The following TMPRSS5 variants were observed in gnomAD, a reference collection of about 807,000 sequenced individuals.
The protein encoded by TMPRSS5 is transmembrane protease serine 5.
TMPRSS5 carries 45 observed loss-of-function variants against 59.7 expected under a neutral mutation model. The ratio of observed to expected loss-of-function variants is 0.75; its 90% confidence interval spans 0.59 to 0.97. The LOEUF is 0.97. Among genes scored for constraint, TMPRSS5 ranks in the 50% least tolerant of loss-of-function variants. The pLI, the probability that TMPRSS5 is intolerant of heterozygous loss-of-function variation, is 0.00. For missense variants in TMPRSS5, 585 were observed against 596.7 expected, an observed-to-expected ratio of 0.98 and a Z score of 0.20; for synonymous variants, 225 against 232.0, an observed-to-expected ratio of 0.97 and a Z score of 0.27.
chr11:113,689,056 T>C (rs1952682932), intron 12 of TMPRSS5, among the ~76,000 whole-genome samples: 1 of 152,062 alleles, frequency 6.6e-6, no homozygotes, highest in African/African-American at 2.4e-5. Context: ...GTAACAGATA[T>C]ACACATAAAT....
At position 113,699,249 on chromosome 11, in the gene TMPRSS5, CTCTCTCTCTCT is replaced by C. The variant is rs1440932492; in HGVS notation, c.206-233_206-223del. Among the ~76,000 whole-genome samples the C allele has an allele frequency of 1.2e-3, 105 of 88,972 alleles. 1 individual carries two copies. The highest frequency in any genetic ancestry group is 1.8e-3 in the Non-Finnish European group (85 of 48,026). 58.4% of individuals were successfully genotyped at this position (88,972 alleles called of 152,430 possible). On this transcript the variant is annotated intron_variant, in intron 3 of 12. Coordinates refer to ENST00000299882, the MANE Select transcript of TMPRSS5 (RefSeq NM_030770.4). The stretch of plus-strand genomic sequence containing the variant: ...TCTCTCTCTCTCTCTCTCTCTCTCT[CTCTCTCTCTCT>C]CTCTCTCTCTCCCTCTCTCTCTCTC...
chr11:113,693,674 G>C (rs1952848590), intron 8 of TMPRSS5: 1 of 159,162 alleles, frequency 6.3e-6, no homozygotes, highest in Non-Finnish European at 1.4e-5. Flanking sequence ...TCTCTGCCCT[G>C]TCCGGCACCA....
At chr11:113,695,542 G>A (rs1952905998) in intron 6 of TMPRSS5, 99 bp from the exon 7 acceptor site, 5 of 1,228,784 alleles carry the variant, frequency 4.1e-6, no homozygotes, top group East Asian at 4.8e-5. Flanking sequence ...TGGGGGTGGT[G>A]GACAGTTCTT....
At chr11:113,696,826 C>A in intron 6 of TMPRSS5, 32 bp downstream of exon 6, 1 of 1,462,062 alleles carries the variant, frequency 6.8e-7, no homozygotes, top group Non-Finnish European at 9.4e-7. Flanking sequence ...AAGTAAGGGA[C>A]CCCACTCACC....
chr11:113,696,187 C>A (rs1337354095), intron 6 of TMPRSS5, among the ~76,000 whole-genome samples: 1 of 152,136 alleles, frequency 6.6e-6, no homozygotes. Flanking sequence ...ACAGGAGGGG[C>A]CTGAAGGAAC....
chr11:113,703,816 C>T (rs971285523), intron 1 of TMPRSS5, among the ~76,000 whole-genome samples: 3 of 152,126 alleles, frequency 2.0e-5, no homozygotes, highest in Non-Finnish European at 4.4e-5. Flanking sequence ...TGTTTGCTTC[C>T]CCTTCCACCA....
At position 113,697,294 on chromosome 11, in the gene TMPRSS5, A is replaced by C; in HGVS notation, c.453T>G (p.Leu151=). 6.2e-7 allele frequency: 1 copy of C among 1,611,340 alleles called. No individual in the cohort carries two copies. The part of the protein sequence containing the change: ...PALGLQICWS[L]GHLRLTHHKG... ...CTAACTCCTGTTACCTGAGATGCCC[A>C]AGGCTCCAGCAGATCTGCAGCCCCA... Residue 151 remains leucine, a synonymous_variant, in exon 5 of 13, where the codon CTT becomes CTG. Transcript: ENST00000299882.
intron 1 of TMPRSS5, among the ~76,000 whole-genome samples, chr11:113,705,867 A>C (rs143338122): frequency 5.4e-4 from 83 of 152,342 alleles, no homozygotes; most frequent in African/African-American, 1.9e-3. Flanking sequence ...GCTCCACCTC[A>C]AAATTCAACT....
At position 113,690,298 on chromosome 11, in the gene TMPRSS5, T is replaced by G. The variant is rs1312881160; in HGVS notation, c.1139A>C (p.Tyr380Ser). The G allele has an allele frequency of 6.3e-7, 1 of 1,590,538 alleles. No homozygotes were observed. Among genetic ancestry groups the G allele is most frequent in the Non-Finnish European group, 8.6e-7 (1 of 1,169,574 alleles). ...CATGCGGGGGGTGAGGGCTCCGCTG[T>G]ACACGCAAGAGCTGTTGCAGAGCTG... ...STQLCNSSCV[Y>S]SGALTPRMLC... The change falls in exon 11 of 13, where the codon TAC becomes TCC. Residue 380 changes from tyrosine to serine, a missense_variant. Tyr to Ser is a moderately radical substitution (Grantham distance 144). Coordinates refer to ENST00000299882, the MANE Select transcript of TMPRSS5 (RefSeq NM_030770.4).
rs1565251209 is a variant in TMPRSS5, at chr11:113,688,035, T to C, written c.*225A>G. 1 of 570,054 alleles carries C rather than the reference T, an allele frequency of 1.8e-6. No homozygotes were observed. Among genetic ancestry groups the C allele is most frequent in the Non-Finnish European group, 2.7e-6 (1 of 372,726 alleles). 35.3% of individuals were successfully genotyped at this position (570,054 alleles called of 1,614,324 possible). A position where few individuals can be genotyped will look rare whatever the true frequency, so the allele number is the denominator to read the frequency against. The stretch of plus-strand genomic sequence containing the variant: ...CCAAGTCCCAGCCTCTCTTCTGTCA[T>C]TGAGTCTCTAGTGAGAAAGAGGACT... On this transcript the variant is annotated 3_prime_UTR_variant, in exon 13 of 13. Coordinates refer to ENST00000299882, the MANE Select transcript of TMPRSS5 (RefSeq NM_030770.4).
At chr11:113,693,463 G>C in intron 8 of TMPRSS5, 2 of 481,260 alleles carry the variant, frequency 4.2e-6, no homozygotes, top group South Asian at 7.4e-5. Context: ...AAATGCTGCA[G>C]GACTGATGGA....
At chr11:113,691,534 T>G (rs1952778959) in intron 9 of TMPRSS5, among the ~76,000 whole-genome samples, 1 of 152,214 alleles carries the variant, frequency 6.6e-6, no homozygotes, top group African/African-American at 2.4e-5. Context: ...CTCAGCTACC[T>G]AGAACTTCCA....
At chr11:113,696,540 C>A (rs1952932810) in intron 6 of TMPRSS5, among the ~76,000 whole-genome samples, 1 of 152,202 alleles carries the variant, frequency 6.6e-6, no homozygotes, top group Non-Finnish European at 1.5e-5. Context: ...ACTTATGTGA[C>A]CTTGGACAAG....
At chr11:113,688,690 C>G (rs956215810) in intron 12 of TMPRSS5, among the ~76,000 whole-genome samples, 3 of 152,148 alleles carry the variant, frequency 2.0e-5, no homozygotes, top group Admixed American at 2.0e-4. Flanking sequence ...CCTGCCTCAA[C>G]CTCCCAAGTA....
Position 113,689,905 on chromosome 11 carries a change from CCCCGCTATCT to C in TMPRSS5, c.1209_1218del (p.Asp404AlafsTer3), listed in dbSNP as rs746713282. On this transcript the variant is annotated frameshift_variant and splice_region_variant, in exon 12 of 13. Transcript: ENST00000299882. LOFTEE classifies it high-confidence loss of function. ...TCCCCATCTGGGCACACTAGGGGGC[CCCCGCTATCT>C]CCCTAAGGGATCCAGGCATGGAGAC... 5.1e-6 allele frequency: 8 copies of C among 1,560,724 alleles called. No individual in the cohort carries two copies. In the African/African-American group the frequency reaches 1.1e-4, roughly 21 times the overall value.
At position 113,690,863 on chromosome 11, in the gene TMPRSS5, C is replaced by T. The variant is rs189987760; in HGVS notation, c.1041G>A (p.Trp347Ter). ...CACTATGGCTAGGGTGGGTGTGGCC[C>T]CAGCCAGACACCCAGCACCGCGAGC... ...PKGSRCWVSG[W>*]GHTHPSHTYS... Residue 347 changes from tryptophan (W) to a stop codon, truncating the protein, a stop_gained, in exon 10 of 13, where the codon TGG (tryptophan) becomes TGA (stop). Coordinates refer to ENST00000299882, the MANE Select transcript of TMPRSS5 (RefSeq NM_030770.4). LOFTEE classifies it high-confidence loss of function. The T allele has an allele frequency of 2.2e-5, 35 of 1,592,670 alleles. No homozygotes were observed. Among genetic ancestry groups the T allele is most frequent in the Non-Finnish European group, 2.7e-5 (32 of 1,170,646 alleles).
chr11:113,690,818 G>C, intron 10 of TMPRSS5, 23 bp downstream of exon 10: 1 of 1,555,240 alleles, frequency 6.4e-7, no homozygotes, highest in South Asian at 1.2e-5. Context: ...CCCCTGCACC[G>C]AGGGCCCAGG....
intron 11 of TMPRSS5, 146 bp downstream of exon 11, chr11:113,690,085 C>T (rs1447452705): frequency 1.5e-6 from 2 of 1,297,978 alleles, no homozygotes; most frequent in South Asian, 2.9e-5. Flanking sequence ...GAGCTCCAGA[C>T]TTGCCTAGGT....
intron 12 of TMPRSS5, 78 bp from the exon 13 acceptor site, chr11:113,688,352 T>C (rs1952663825): frequency 4.9e-6 from 5 of 1,013,634 alleles, no homozygotes; most frequent in Non-Finnish European, 7.6e-6. Context: ...GTAAATCACT[T>C]AACCATGCAG....
Sources: allele counts gnomAD v4.1 joint callset (sites outside exome capture counted in the v4.1 genomes callset), GRCh38; gene constraint gnomAD v4.1.1; transcripts MANE v1.5; gene names NCBI Gene and HGNC (gene_info 2026-07-23, HGNC 2026-07-21).